The following ABCA12 variants were observed in gnomAD, a reference collection of about 807,000 sequenced individuals.
ABCA12 encodes glucosylceramide transporter ABCA12.
A neutral mutation model predicts 293.5 loss-of-function variants in ABCA12; 156 were observed. That is an observed-to-expected ratio of 0.53 (90% CI 0.47 to 0.61). ABCA12 has a LOEUF of 0.61. Ranked by LOEUF, ABCA12 falls within the 20% of genes least tolerant of loss-of-function variation. The probability of loss-of-function intolerance (pLI) is 0.00; values close to 1 mark genes in which losing one functional copy is unlikely to be tolerated. For missense variants in ABCA12, 2,797 were observed against 3,090.2 expected, an observed-to-expected ratio of 0.91 and a Z score of 2.25; for synonymous variants, 1,063 against 1,108.0, an observed-to-expected ratio of 0.96 and a Z score of 0.81.
chr2:215,073,130 G>A (rs1190012718), intron 2 of ABCA12, among the ~76,000 whole-genome samples: 1 of 152,078 alleles, frequency 6.6e-6, no homozygotes, highest in East Asian at 1.9e-4. Flanking sequence ...AACAAGGAAT[G>A]TTGAGTTCTA....
At chr2:215,069,041 C>T (rs557865537) in intron 2 of ABCA12, among the ~76,000 whole-genome samples, 2 of 152,238 alleles carry the variant, frequency 1.3e-5, no homozygotes, top group African/African-American at 2.4e-5. Context: ...ATGGTAGAAT[C>T]GGACACTTGC....
At chr2:214,973,541 C>T (rs1450065962) in intron 36 of ABCA12, among the ~76,000 whole-genome samples, 1 of 152,114 alleles carries the variant, frequency 6.6e-6, no homozygotes, top group Admixed American at 6.6e-5. Context: ...TGCTTAGAGA[C>T]ACATGGAGTT....
chr2:214,950,629 C>T (rs866840956), intron 45 of ABCA12, among the ~76,000 whole-genome samples: 2 of 151,550 alleles, frequency 1.3e-5, no homozygotes, highest in Admixed American at 6.6e-5. Context: ...CTCAGCCTCC[C>T]GAGTAACTGG....
rs1209683641 is a variant in ABCA12 at position 214,953,962 on chromosome 2, G to C, written c.6539C>G (p.Thr2180Ser). The C allele has an allele frequency of 4.3e-6, 7 of 1,613,918 alleles. No individual in the cohort carries two copies. Among genetic ancestry groups the C allele is most frequent in the Non-Finnish European group, 5.9e-6 (7 of 1,179,982 alleles). ...TGCACCTAGTTTATTCATCTCAAAG[G>C]TTTCATTTGGGTATTCCACTCCATA... ...KAYGVEYPNE[T>S]FEMNKLGAMF... Residue 2180 changes from threonine to serine, a missense_variant, in exon 44 of 53, where the codon ACC (threonine) becomes AGC (serine). Transcript: ENST00000272895.
At chr2:215,073,784 T>C (rs983993096) in intron 2 of ABCA12, among the ~76,000 whole-genome samples, 4 of 152,168 alleles carry the variant, frequency 2.6e-5, no homozygotes, top group African/African-American at 9.7e-5. Flanking sequence ...AAGCCTGCAC[T>C]GAGAGAACGA....
intron 39 of ABCA12, chr2:214,960,523 G>A (rs907424013): frequency 2.0e-5 from 3 of 152,002 alleles, no homozygotes; most frequent in African/African-American, 7.2e-5. Flanking sequence ...TCACAGTTGG[G>A]GACCTGTATC....
At position 214,983,935 on chromosome 2, in the gene ABCA12, C is replaced by A. The variant is rs190698820; in HGVS notation, c.4164-70G>T. On this transcript the variant is annotated intron_variant, in intron 28 of 52. Transcript: ENST00000272895. The stretch of plus-strand genomic sequence containing the variant: ...AGCTAGATATTAGGAATAACTATAT[C>A]TCAGTTGTTAGAAGGAAAAAATACA... 61 of 1,399,524 alleles carry A rather than the reference C, an allele frequency of 4.4e-5. No individual in the cohort carries two copies. The African/African-American group carries it at 8.0e-4, about 18-fold the overall frequency. 86.7% of individuals were successfully genotyped at this position (1,399,524 alleles called of 1,614,324 possible).
intron 1 of ABCA12, among the ~76,000 whole-genome samples, chr2:215,136,905 T>G (rs1156861650): frequency 6.6e-6 from 1 of 152,108 alleles, no homozygotes; most frequent in Non-Finnish European, 1.5e-5. Flanking sequence ...TTAAGTTACA[T>G]GAGGAGCAGT....
chr2:215,137,941 A>G (rs959781613), intron 1 of ABCA12, among the ~76,000 whole-genome samples, 199 bp downstream of exon 1: 4 of 152,252 alleles, frequency 2.6e-5, no homozygotes, highest in East Asian at 3.9e-4. Context: ...ACTGAAATGA[A>G]AAGGCTGCTT....
At chr2:215,121,952 G>C (rs529145561) in intron 1 of ABCA12, among the ~76,000 whole-genome samples, 2 of 152,238 alleles carry the variant, frequency 1.3e-5, no homozygotes, top group East Asian at 3.9e-4. Context: ...CCAGTTTCAG[G>C]TATGTCTTTA....
chr2:215,007,551 A>G (rs1700280443), intron 19 of ABCA12, among the ~76,000 whole-genome samples, 176 bp downstream of exon 19: 1 of 152,238 alleles, frequency 6.6e-6, no homozygotes, highest in Non-Finnish European at 1.5e-5. Flanking sequence ...GAAGTTAGCC[A>G]ATTATGAATA....
intron 50 of ABCA12, among the ~76,000 whole-genome samples, chr2:214,940,105 A>G (rs1336458145): frequency 6.6e-6 from 1 of 152,186 alleles, no homozygotes; most frequent in Non-Finnish European, 1.5e-5. Flanking sequence ...TGGGTTTGTC[A>G]TAAATAGCTC....
At chr2:214,985,790 C>T (rs949991055) in intron 28 of ABCA12, among the ~76,000 whole-genome samples, 3 of 152,154 alleles carry the variant, frequency 2.0e-5, no homozygotes, top group Non-Finnish European at 2.9e-5. Flanking sequence ...CAAACAAGGG[C>T]TCGAGCACCA....
In ABCA12 at chr2:214,955,083, C is replaced by A. The variant is rs73088466; in HGVS notation, c.6393+119G>T. On this transcript the variant is annotated intron_variant, in intron 43 of 52. Transcript: ENST00000272895. Reference sequence around the variant, plus strand: ...AAGAATTTTAAAAGCTGTAGTTTCTCCTCTCCCAAATTTAATAGAATCAAA... The same window carrying A: ...AAGAATTTTAAAAGCTGTAGTTTCTACTCTCCCAAATTTAATAGAATCAAA... 2.0e-3 allele frequency: 2,583 copies of A among 1,291,066 alleles called. 46 individuals carry two copies. In the African/African-American group the frequency reaches 0.035, roughly 18 times the overall value. 80.0% of individuals were successfully genotyped at this position (1,291,066 alleles called of 1,614,324 possible). A position where few individuals can be genotyped will look rare whatever the true frequency, so the allele number is the denominator to read the frequency against.
chr2:214,991,536 A>G (rs1699912073), intron 23 of ABCA12, among the ~76,000 whole-genome samples: 1 of 152,146 alleles, frequency 6.6e-6, no homozygotes, highest in Non-Finnish European at 1.5e-5. Context: ...TGTTCCTGAG[A>G]GAAACAGTAT....
chr2:215,107,074 A>G (rs1559198062), intron 2 of ABCA12, among the ~76,000 whole-genome samples: 1 of 152,210 alleles, frequency 6.6e-6, no homozygotes, highest in Admixed American at 6.5e-5. Context: ...ATAGAAAAAC[A>G]TTGTTTTTCA....
intron 9 of ABCA12, chr2:215,029,245 A>T (rs892500258): frequency 2.0e-4 from 30 of 152,130 alleles, no homozygotes; most frequent in African/African-American, 7.0e-4. Flanking sequence ...CATACACTTG[A>T]GTTAGTATCT....
chr2:215,033,251 T>C (rs756873087), intron 8 of ABCA12, among the ~76,000 whole-genome samples: 3 of 152,214 alleles, frequency 2.0e-5, no homozygotes, highest in Non-Finnish European at 4.4e-5. Flanking sequence ...GGCATCTATA[T>C]ATAGAATAAC....
intron 2 of ABCA12, among the ~76,000 whole-genome samples, chr2:215,068,611 C>G (rs958165349): frequency 7.2e-5 from 11 of 152,056 alleles, no homozygotes; most frequent in African/African-American, 1.2e-4. Flanking sequence ...CTCATTGCAT[C>G]TAATCGACTT....
Sources: allele counts gnomAD v4.1 joint callset (sites outside exome capture counted in the v4.1 genomes callset), GRCh38; gene constraint gnomAD v4.1.1; transcripts MANE v1.5; gene names NCBI Gene and HGNC (gene_info 2026-07-23, HGNC 2026-07-21).